Variants in NBAS observed in about 807,000 individuals in gnomAD.
NBAS encodes NBAS subunit of NRZ tethering complex, also known as NAG/BC035112 fusion.
A neutral mutation model predicts 302.5 loss-of-function variants in NBAS; 219 were observed. That is an observed-to-expected ratio of 0.72 (90% CI 0.65 to 0.81). NBAS has a LOEUF of 0.81. Ranked by LOEUF, NBAS falls within the 30% of genes least tolerant of loss-of-function variation. The pLI, the probability that NBAS is intolerant of heterozygous loss-of-function variation, is 0.00. For missense variants in NBAS, 2,932 were observed against 2,841.6 expected (o/e 1.03, Z -0.72); for synonymous variants, 1,118 against 1,021.6 (o/e 1.09, Z -1.80).
the NBAS span, among the ~76,000 whole-genome samples, chr2:14,977,947 G>GT: frequency 5.3e-5 from 8 of 152,154 alleles, no homozygotes; most frequent in South Asian, 4.1e-4. Context: ...TGGTGCAAAT[G>GT]TTTTTATGTT....
intron 50 of NBAS, 182 bp from the exon 51 acceptor site, chr2:15,179,298 G>A: frequency 1.3e-6 from 1 of 798,902 alleles, no homozygotes. Flanking sequence ...TTGGTTCACA[G>A]TAAACTGTGT....
At chr2:14,914,415 A>G in the NBAS span, among the ~76,000 whole-genome samples, 13,485 of 152,304 alleles carry the variant, frequency 0.089, 710 homozygotes, top group Non-Finnish European at 0.11. Context: ...TCATAATATC[A>G]AGAGAATGGG....
the NBAS span, among the ~76,000 whole-genome samples, chr2:15,000,005 T>C: frequency 6.6e-6 from 1 of 152,238 alleles, no homozygotes; most frequent in African/African-American, 2.4e-5. Context: ...TTGGTTTTAT[T>C]GAAGTTATTG....
chr2:14,944,203 G>A, the NBAS span, among the ~76,000 whole-genome samples: 1 of 152,220 alleles, frequency 6.6e-6, no homozygotes, highest in African/African-American at 2.4e-5. Context: ...GGGAGGCTGA[G>A]GCAGGAGAAT....
chr2:15,077,111 A>G, the NBAS span, among the ~76,000 whole-genome samples: 1 of 152,242 alleles, frequency 6.6e-6, no homozygotes, highest in Admixed American at 6.5e-5. Context: ...AAATTGACTC[A>G]CAGTTCCATA....
the NBAS span, among the ~76,000 whole-genome samples, chr2:15,129,547 G>A: frequency 6.6e-6 from 1 of 152,134 alleles, no homozygotes; most frequent in Non-Finnish European, 1.5e-5. Context: ...AGCCAGACAC[G>A]GGGCTCCCAT....
At chr2:14,856,018 GGCC>G in the NBAS span, among the ~76,000 whole-genome samples, 1 of 152,138 alleles carries the variant, frequency 6.6e-6, no homozygotes, top group Non-Finnish European at 1.5e-5. Context: ...TAGTTGCGGT[GGCC>G]ATAGAAATGC....
intron 32 of NBAS, among the ~76,000 whole-genome samples, chr2:15,364,162 C>G (rs1003746808): frequency 6.6e-6 from 1 of 152,204 alleles, no homozygotes; most frequent in Non-Finnish European, 1.5e-5. Context: ...TTGAAGTTGG[C>G]AAGGTCTGTC....
rs542392725 is a variant in NBAS at position 15,551,730 on chromosome 2, C to T, written c.336-194G>A. ...TCTTCCAACCTTATTGCATCAGATA[C>T]GGAGCTACATCGTTATGGAGACATA... On this transcript the variant is annotated intron_variant, in intron 5 of 51. Transcript: ENST00000281513. Among the ~76,000 whole-genome samples the T allele has an allele frequency of 3.9e-5, 6 of 152,272 alleles. No individual in the cohort carries two copies. In the South Asian group the frequency reaches 8.3e-4, roughly 21 times the overall value.
At chr2:15,013,626 A>G in the NBAS span, among the ~76,000 whole-genome samples, 1 of 152,010 alleles carries the variant, frequency 6.6e-6, no homozygotes, top group Non-Finnish European at 1.5e-5. Context: ...CTACTAAAAA[A>G]TAAAAAAATT....
intron 16 of NBAS, among the ~76,000 whole-genome samples, chr2:15,470,473 C>T (rs1679911178): frequency 6.6e-6 from 1 of 152,158 alleles, no homozygotes; most frequent in East Asian, 1.9e-4. Context: ...GTTTACTGGG[C>T]ACCTACTGCA....
In NBAS at chr2:15,396,190, C is replaced by T. The variant is rs7590198; in HGVS notation, c.3134+223G>A. ...ATCACACGACTAGTAAGTGGCAAGGCCTAAATTTGAACGTAGGTTTTCAAA... is the reference window on the plus strand; with the variant it reads ...ATCACACGACTAGTAAGTGGCAAGGTCTAAATTTGAACGTAGGTTTTCAAA... On this transcript the variant is annotated intron_variant, in intron 27 of 51. Coordinates refer to ENST00000281513, the MANE Select transcript of NBAS (RefSeq NM_015909.4). Among the ~76,000 whole-genome samples the T allele has an allele frequency of 0.63, 95,077 of 151,852 alleles. 30,512 individuals carry two copies. Among genetic ancestry groups the T allele is most frequent in the Middle Eastern group, 0.69 (202 of 294 alleles).
At chr2:15,061,574 A>C in the NBAS span, among the ~76,000 whole-genome samples, 1 of 152,266 alleles carries the variant, frequency 6.6e-6, no homozygotes, top group Admixed American at 6.5e-5. Context: ...GGGCACATAC[A>C]TGGTGGTTGG....
intron 9 of NBAS, among the ~76,000 whole-genome samples, chr2:15,517,006 T>C (rs550193510): frequency 7.7e-4 from 117 of 152,262 alleles, no homozygotes; most frequent in African/African-American, 2.7e-3. Flanking sequence ...TTGGAGCAAC[T>C]TGACAATATC....
chr2:15,377,381 A>G (rs1380193528), intron 30 of NBAS, among the ~76,000 whole-genome samples: 1 of 152,218 alleles, frequency 6.6e-6, no homozygotes, highest in Non-Finnish European at 1.5e-5. Context: ...GCCACATGAT[A>G]ACAAAGACCA....
intron 35 of NBAS, among the ~76,000 whole-genome samples, chr2:15,350,447 G>A (rs1278998996): frequency 6.6e-6 from 1 of 152,100 alleles, no homozygotes; most frequent in Non-Finnish European, 1.5e-5. Context: ...GTCTAGCTGG[G>A]ATGTCAGAAA....
chr2:15,275,583 A>G lies in NBAS; in HGVS notation c.5625T>C (p.His1875=), dbSNP rs760025400. ...QVPGSSPEWL[H]AYDVCMKYFD... is the part of the protein sequence containing the mutation. Reference sequence around the variant, plus strand: ...AGTACTTCATGCAGACATCATAGGCATGAAGCCACTCCGGTGAAGAGCCTG... The same window carrying G: ...AGTACTTCATGCAGACATCATAGGCGTGAAGCCACTCCGGTGAAGAGCCTG... Residue 1875 remains histidine, a synonymous_variant, in exon 44 of 52, where the codon CAT becomes CAC. Transcript: ENST00000281513. 1 of 1,614,196 alleles carries G rather than the reference A, an allele frequency of 6.2e-7. No homozygotes were observed.
At chr2:15,439,887 C>G (rs951009405) in intron 21 of NBAS, among the ~76,000 whole-genome samples, 1 of 152,246 alleles carries the variant, frequency 6.6e-6, no homozygotes. Flanking sequence ...CCTACGTCCA[C>G]GGAGTCTCCC....
At chr2:14,800,689 C>A in the NBAS span, among the ~76,000 whole-genome samples, 1 of 151,850 alleles carries the variant, frequency 6.6e-6, no homozygotes, top group Non-Finnish European at 1.5e-5. Context: ...TTCTTCCCTC[C>A]TGTTTTCATA....
Sources: gnomAD v4.1 joint callset for allele counts (sites outside exome capture counted in the v4.1 genomes callset) on GRCh38, gnomAD v4.1.1 for gene constraint, MANE v1.5 for transcripts, NCBI Gene and HGNC (gene_info 2026-07-23, HGNC 2026-07-21) for gene names.